Variants in RXRA observed in about 807,000 individuals in gnomAD.
The protein encoded by RXRA is retinoic acid receptor RXR-alpha.
A neutral mutation model predicts 44.5 loss-of-function variants in RXRA; 5 were observed. That is an observed-to-expected ratio of 0.11 (90% CI 0.06 to 0.24). RXRA has a LOEUF of 0.24. Ranked by LOEUF, RXRA falls within the 10% of genes least tolerant of loss-of-function variation. RXRA has a pLI of 1.00. For synonymous variants in RXRA, 291 were observed against 271.4 expected, an observed-to-expected ratio of 1.07 and a Z score of -0.71; for missense variants, 412 against 646.5, an observed-to-expected ratio of 0.64 and a Z score of 3.93.
At chr9:134,413,091 T>A (rs1831175859) in intron 4 of RXRA, among the ~76,000 whole-genome samples, 1 of 152,178 alleles carries the variant, frequency 6.6e-6, no homozygotes, top group South Asian at 2.1e-4. Flanking sequence ...AGTGTGGCCC[T>A]CTTGCCTTCT....
intron 1 of RXRA, among the ~76,000 whole-genome samples, chr9:134,340,227 C>T (rs868921124): frequency 6.6e-6 from 1 of 152,182 alleles, no homozygotes; most frequent in Non-Finnish European, 1.5e-5. Context: ...CCCGTGCTGT[C>T]CGGCTCCCTC....
In RXRA at chr9:134,407,535, C is replaced by T. The variant is rs1380726833; in HGVS notation, c.280-614C>T. Among the ~76,000 whole-genome samples the T allele has an allele frequency of 3.9e-5, 6 of 152,128 alleles. No individual in the cohort carries two copies. Among genetic ancestry groups the T allele is most frequent in the South Asian group, 2.1e-4 (1 of 4,832 alleles). On this transcript the variant is annotated intron_variant, in intron 2 of 9. Coordinates refer to ENST00000481739, the MANE Select transcript of RXRA (RefSeq NM_002957.6). This position sits in a 1 kb window ranked among gnomAD's most constrained non-coding sequence, Gnocchi z 4.8. ...GCCCGGGCGGCAGCGTGCGGGCCGG[C>T]GGGTGGGGCGGAGGGGTGTGCAGAG...
chr9:134,373,188 G>A (rs774229901), intron 1 of RXRA, among the ~76,000 whole-genome samples: 2 of 152,200 alleles, frequency 1.3e-5, no homozygotes. Context: ...CTGGTAAGGC[G>A]GAAGTGTCTG....
chr9:134,425,596 C>T (rs1434065463), intron 6 of RXRA: 1 of 515,278 alleles, frequency 1.9e-6, no homozygotes, highest in Non-Finnish European at 2.3e-6. Context: ...GTGGGCGGGC[C>T]TTGCTGGGCT....
At chr9:134,382,755 C>T (rs200569305) in intron 1 of RXRA, among the ~76,000 whole-genome samples, 3 of 152,222 alleles carry the variant, frequency 2.0e-5, no homozygotes, top group Admixed American at 6.5e-5. Flanking sequence ...TGGTCTGTGG[C>T]GTTGCCGTCT....
chr9:134,408,266 C>T lies in RXRA; in HGVS notation c.397C>T (p.His133Tyr), dbSNP rs1216933702. 6.2e-7 allele frequency: 1 copy of T among 1,611,234 alleles called. No homozygotes were observed. The highest frequency in any genetic ancestry group is 8.5e-7 in the Non-Finnish European group (1 of 1,179,170). ...AGGAAACATGGCTTCCTTCACCAAG[C>T]ACATCTGCGCCATCTGCGGGGACCG... ...PSGNMASFTK[H>Y]ICAICGDRSS... Residue 133 changes from histidine to tyrosine, a missense_variant, in exon 3 of 10, where the codon CAC (histidine) becomes TAC (tyrosine). Coordinates refer to ENST00000481739, the MANE Select transcript of RXRA (RefSeq NM_002957.6).
intron 1 of RXRA, among the ~76,000 whole-genome samples, chr9:134,340,947 T>C (rs184009951): frequency 2.0e-5 from 3 of 152,226 alleles, no homozygotes; most frequent in African/African-American, 7.2e-5. Flanking sequence ...TTCCTCTAAT[T>C]GTGTGGATGA....
chr9:134,424,212 A>G, intron 6 of RXRA: 1 of 985,312 alleles, frequency 1.0e-6, no homozygotes. Flanking sequence ...TGCAGCTGTC[A>G]GGTGGGGGCT....
intron 1 of RXRA, among the ~76,000 whole-genome samples, chr9:134,339,028 C>T (rs572714653): frequency 4.6e-5 from 7 of 152,364 alleles, no homozygotes; most frequent in African/African-American, 1.2e-4. Flanking sequence ...GTGCCCACAC[C>T]GGCAGGGACC....
Position 134,440,366 on chromosome 9 carries a change from T to G in RXRA, c.*3752T>G, listed in dbSNP as rs1831713189. On this transcript the variant is annotated 3_prime_UTR_variant, in exon 10 of 10. Coordinates refer to ENST00000481739, the MANE Select transcript of RXRA (RefSeq NM_002957.6). ...GTTTTCTTCCCTTTCGAGTAATTTT[T>G]AAAGCCTTGCTCTGTTGTGTCCTGT... 6.6e-6 allele frequency: 1 copy of G among 152,490 alleles called. No homozygotes were observed. Among genetic ancestry groups the G allele is most frequent in the East Asian group, 1.9e-4 (1 of 5,180 alleles). 9.4% of individuals were successfully genotyped at this position (152,490 alleles called of 1,614,324 possible). A position where few individuals can be genotyped will look rare whatever the true frequency, so the allele number is the denominator to read the frequency against.
At chr9:134,379,029 AT>A (rs1178216308) in intron 1 of RXRA, among the ~76,000 whole-genome samples, 1 of 152,098 alleles carries the variant, frequency 6.6e-6, no homozygotes, top group African/African-American at 2.4e-5. Context: ...GCCGCCACCC[AT>A]TTGTCAGTCA....
chr9:134,423,182 T>G (rs1344609148), intron 6 of RXRA: 11 of 985,292 alleles, frequency 1.1e-5, no homozygotes, highest in Non-Finnish European at 1.3e-5. Context: ...GGGGTAGCTG[T>G]GAGGCCAGGC....
rs1276248747 is a variant in RXRA, at chr9:134,417,580, C to T, written c.780+253C>T. Among the ~76,000 whole-genome samples, 1 of 151,792 alleles carries T rather than the reference C, an allele frequency of 6.6e-6. No individual in the cohort carries two copies. The highest frequency in any genetic ancestry group is 1.5e-5 in the Non-Finnish European group (1 of 67,968). On this transcript the variant is annotated intron_variant, in intron 5 of 9. Transcript: ENST00000481739. The surrounding 1 kb of genome is among the most constrained non-coding windows in gnomAD (Gnocchi z 6.1). ...GGGCCAGGGGCCAGGGGCCCGGGGC[C>T]TGGGGCCCTGCGGCCACATCATCAT...
intron 6 of RXRA, chr9:134,423,764 C>T: frequency 1.0e-6 from 1 of 985,370 alleles, no homozygotes; most frequent in Non-Finnish European, 1.2e-6. Flanking sequence ...GCAGGGGCTC[C>T]CCCAGAACCC....
rs1015453078 is a variant in RXRA at position 134,380,184 on chromosome 9, C to T, written c.29-21448C>T. ...GGCAGGTGCGTGTGTTGGGGGTGGC[C>T]CCCCGCGGTGTAGGCCGGAGGTGGC... On this transcript the variant is annotated intron_variant, in intron 1 of 9. Transcript: ENST00000481739. 6.1e-6 allele frequency: 6 copies of T among 985,220 alleles called. No individual in the cohort carries two copies. In the African/African-American group the frequency reaches 7.0e-5, roughly 11 times the overall value. The allele number at this position is 985,220 out of a possible 1,614,324, so 61.0% of individuals were successfully genotyped here.
At chr9:134,330,628 C>T (rs1455448276) in intron 1 of RXRA, among the ~76,000 whole-genome samples, 2 of 152,236 alleles carry the variant, frequency 1.3e-5, no homozygotes, top group African/African-American at 4.8e-5. Flanking sequence ...TCTGCCCCCT[C>T]CCATTCAGGG....
intron 6 of RXRA, chr9:134,425,798 C>T (rs998690252): frequency 1.1e-4 from 112 of 985,396 alleles, no homozygotes; most frequent in Middle Eastern, 5.2e-4. Flanking sequence ...CCCATGGGGA[C>T]AGCAGCCGTG....
chr9:134,432,101 C>A, intron 8 of RXRA, 105 bp downstream of exon 8: 1 of 774,628 alleles, frequency 1.3e-6, no homozygotes, highest in Non-Finnish European at 2.2e-6. Context: ...CATGTGGGGC[C>A]AACTCCCACC....
chr9:134,390,073 C>A (rs943686512), intron 1 of RXRA, among the ~76,000 whole-genome samples: 2 of 152,166 alleles, frequency 1.3e-5, no homozygotes, highest in African/African-American at 4.8e-5. Context: ...GGGTGGCCGT[C>A]CTGGGGGCAG....
Sources: gnomAD v4.1 joint callset for allele counts (sites outside exome capture counted in the v4.1 genomes callset) on GRCh38, gnomAD v4.1.1 for gene constraint, Gnocchi (gnomAD v3.1) non-coding constraint, MANE v1.5 for transcripts, NCBI Gene and HGNC (gene_info 2026-07-23, HGNC 2026-07-21) for gene names.